The following KIF26B variants were observed in gnomAD, a reference collection of about 807,000 sequenced individuals.
KIF26B encodes the protein kinesin-like protein KIF26B.
In KIF26B, 63 loss-of-function variants were observed where a neutral mutation model predicts 151.2. That is an observed-to-expected ratio of 0.42 (90% CI 0.34 to 0.51). The LOEUF (loss-of-function observed/expected upper bound fraction) is 0.51, where lower values mean the gene tolerates loss of function less well. Among genes scored for constraint, KIF26B ranks in the 20% least tolerant of loss-of-function variants. The pLI is 0.07. For synonymous variants in KIF26B, 1,357 were observed against 1,262.1 expected (o/e 1.08, Z -1.59); for missense variants, 2,813 against 2,913.6 (o/e 0.97, Z 0.79).
chr1:245,487,735 C>T (rs1377025526), intron 4 of KIF26B, among the ~76,000 whole-genome samples: 2 of 151,212 alleles, frequency 1.3e-5, no homozygotes, highest in African/African-American at 4.9e-5. Flanking sequence ...GTAGCTAGGA[C>T]TACAGGCACA....
At chr1:245,396,568 A>G (rs1673848279) in intron 3 of KIF26B, among the ~76,000 whole-genome samples, 1 of 151,860 alleles carries the variant, frequency 6.6e-6, no homozygotes, top group South Asian at 2.1e-4. Context: ...CCCGGGAGAC[A>G]GAGGTTGCAG....
chr1:245,398,891 T>A (rs1673926283), intron 3 of KIF26B, among the ~76,000 whole-genome samples: 2 of 152,144 alleles, frequency 1.3e-5, no homozygotes, highest in Non-Finnish European at 2.9e-5. Flanking sequence ...CAATTAACTA[T>A]TTTTTCTGGA....
chr1:245,475,987 C>T (rs1339350315), intron 4 of KIF26B, among the ~76,000 whole-genome samples: 4 of 151,724 alleles, frequency 2.6e-5, no homozygotes, highest in African/African-American at 9.7e-5. Flanking sequence ...GTCAAAATAG[C>T]CAAAATGGAG....
Position 245,688,454 on chromosome 1 carries a change from GGGCCGGGCCCGAGGCGGAGGCGCGC to G in KIF26B, c.5474_5498del (p.Ala1825GlyfsTer43). 1 of 1,343,900 alleles carries G rather than the reference GGGCCGGGCCCGAGGCGGAGGCGCGC, an allele frequency of 7.4e-7. No homozygotes were observed. The highest frequency in any genetic ancestry group is 9.5e-7 in the Non-Finnish European group (1 of 1,057,818). 83.2% of individuals were successfully genotyped at this position (1,343,900 alleles called of 1,614,324 possible). A position where few individuals can be genotyped will look rare whatever the true frequency, so the allele number is the denominator to read the frequency against. On this transcript the variant is annotated frameshift_variant, in exon 12 of 15. Coordinates refer to ENST00000407071, the MANE Select transcript of KIF26B (RefSeq NM_018012.4). LOFTEE classifies it high-confidence loss of function. Reference sequence around the variant, plus strand: ...GCGGGCGCCCGGGGCTTGCAGCTGCGGGCCGGGCCCGAGGCGGAGGCGCGCGGGGGGGCCCTGGCCGAGGACGAGC... The same window carrying G: ...GCGGGCGCCCGGGGCTTGCAGCTGCGGGGGGGGCCCTGGCCGAGGACGAGC...
intron 4 of KIF26B, among the ~76,000 whole-genome samples, chr1:245,481,067 G>A (rs916097810): frequency 2.6e-5 from 4 of 151,830 alleles, no homozygotes; most frequent in African/African-American, 7.2e-5. Context: ...CAGGCACTGT[G>A]CTGGCCGTGC....
At chr1:245,300,109 G>C (rs191218205) in intron 2 of KIF26B, among the ~76,000 whole-genome samples, 16 of 152,338 alleles carry the variant, frequency 1.1e-4, no homozygotes, top group Non-Finnish European at 2.2e-4. Flanking sequence ...GTATGGATAA[G>C]TTTATCTTAT....
chr1:245,678,928 C>T (rs923965332), intron 10 of KIF26B, among the ~76,000 whole-genome samples: 4 of 151,892 alleles, frequency 2.6e-5, no homozygotes, highest in Admixed American at 6.6e-5. Context: ...CATGCCTGTG[C>T]GTATGGCTGG....
chr1:245,261,536 TCC>T (rs1670645546), intron 2 of KIF26B, among the ~76,000 whole-genome samples: 3 of 124,100 alleles, frequency 2.4e-5, no homozygotes, highest in African/African-American at 8.9e-5. Context: ...TCTCCCTCTC[TCC>T]CCCTCTCTCC....
intron 3 of KIF26B, among the ~76,000 whole-genome samples, chr1:245,386,557 A>G (rs918191283): frequency 6.6e-6 from 1 of 150,556 alleles, no homozygotes; most frequent in African/African-American, 2.5e-5. Context: ...ACCATACAGG[A>G]TGTGTTTGCC....
At chr1:245,432,542 C>T (rs1361522965) in intron 4 of KIF26B, among the ~76,000 whole-genome samples, 2 of 152,200 alleles carry the variant, frequency 1.3e-5, no homozygotes, top group Admixed American at 6.5e-5. Flanking sequence ...TTTCCTGTCT[C>T]GCTGAAAACC....
At chr1:245,436,890 C>CTTT (rs539810099) in intron 4 of KIF26B, among the ~76,000 whole-genome samples, 2,250 of 122,310 alleles carry the variant, frequency 0.018, 102 homozygotes, top group Non-Finnish European at 0.022. Context: ...TTCTCCCTCT[C>CTTT]TTTTTTTTTT....
intron 8 of KIF26B, 87 bp downstream of exon 8, chr1:245,609,615 C>T (rs2043497541): frequency 7.3e-7 from 1 of 1,365,776 alleles, no homozygotes; most frequent in Non-Finnish European, 9.7e-7. Flanking sequence ...AATCACTGAA[C>T]CTGTAAACTC....
intron 2 of KIF26B, among the ~76,000 whole-genome samples, chr1:245,200,399 A>G (rs1669276449): frequency 6.6e-6 from 1 of 152,234 alleles, no homozygotes; most frequent in African/African-American, 2.4e-5. Context: ...TGAGGAAGGA[A>G]TATTGTGGCT....
chr1:245,565,153 T>C (rs1364936404), intron 5 of KIF26B, among the ~76,000 whole-genome samples: 2 of 152,304 alleles, frequency 1.3e-5, no homozygotes, highest in Non-Finnish European at 2.9e-5. Flanking sequence ...TTTTAAAGAG[T>C]AAAATTTGTA....
chr1:245,554,081 C>T (rs1624250), intron 5 of KIF26B, among the ~76,000 whole-genome samples: 1 of 152,012 alleles, frequency 6.6e-6, no homozygotes, highest in South Asian at 2.1e-4. Context: ...TTCTTCCTCC[C>T]ATGTCCCACC....
chr1:245,411,383 C>T (rs901957815), intron 3 of KIF26B, among the ~76,000 whole-genome samples: 4 of 152,186 alleles, frequency 2.6e-5, no homozygotes, highest in African/African-American at 9.6e-5. Flanking sequence ...CTGAGGCCTG[C>T]CTGATCCAGA....
At chr1:245,453,998 G>A (rs187475982) in intron 4 of KIF26B, among the ~76,000 whole-genome samples, 35 of 152,296 alleles carry the variant, frequency 2.3e-4, no homozygotes, top group African/African-American at 7.5e-4. Flanking sequence ...GGAAGGGCGG[G>A]TTTCAATAAC....
rs547508199 is a variant in KIF26B at position 245,548,308 on chromosome 1, C to T, written c.1350+7358C>T. Among the ~76,000 whole-genome samples the T allele has an allele frequency of 4.1e-4, 62 of 152,144 alleles. No individual in the cohort carries two copies. The South Asian group carries it at 0.013, about 31-fold the overall frequency. On this transcript the variant is annotated intron_variant, in intron 5 of 14. Coordinates refer to ENST00000407071, the MANE Select transcript of KIF26B (RefSeq NM_018012.4). ...TTAAAAAAAAAAATTCTATACAGTCCGTGTGAAGTCTTGATGGGGCGCTGA... is the reference window on the plus strand; with the variant it reads ...TTAAAAAAAAAAATTCTATACAGTCTGTGTGAAGTCTTGATGGGGCGCTGA...
intron 2 of KIF26B, among the ~76,000 whole-genome samples, chr1:245,217,527 G>T (rs1470375566): frequency 1.3e-5 from 2 of 151,598 alleles, no homozygotes; most frequent in African/African-American, 4.9e-5. Flanking sequence ...ACCACGCCCA[G>T]CTATTTTTTT....
Sources: gnomAD v4.1 joint callset for allele counts (sites outside exome capture counted in the v4.1 genomes callset) on GRCh38, gnomAD v4.1.1 for gene constraint, MANE v1.5 for transcripts, NCBI Gene and HGNC (gene_info 2026-07-23, HGNC 2026-07-21) for gene names.